The following PTBP3 variants were observed in gnomAD, a reference collection of about 807,000 sequenced individuals.
The protein encoded by PTBP3 is polypyrimidine tract binding protein 3.
A neutral mutation model predicts 58.7 loss-of-function variants in PTBP3; 20 were observed. That is an observed-to-expected ratio of 0.34 (90% CI 0.24 to 0.50). The LOEUF (loss-of-function observed/expected upper bound fraction) is 0.50, where lower values mean the gene tolerates loss of function less well. Ranked by LOEUF, PTBP3 falls within the 20% of genes least tolerant of loss-of-function variation. PTBP3 has a pLI of 0.98. For missense variants in PTBP3, 509 were observed against 637.2 expected (o/e 0.80, Z 2.17); for synonymous variants, 185 against 219.8 (o/e 0.84, Z 1.40).
chr9:112,333,474 C>T lies in PTBP3; in HGVS notation c.-56G>A. 6.3e-7 allele frequency: 1 copy of T among 1,590,162 alleles called. No individual in the cohort carries two copies. The highest frequency in any genetic ancestry group is 1.1e-5 in the South Asian group (1 of 88,474). ...GCCGCGCCGCCTAGTACTTACCCAT[C>T]CATGGCCCAGATGGAGGCGCGCACA... On this transcript the variant is annotated 5_prime_UTR_variant, in exon 1 of 14. Coordinates refer to ENST00000374257, the MANE Select transcript of PTBP3 (RefSeq NM_001163788.4).
In PTBP3 at chr9:112,268,120, G is replaced by C; in HGVS notation, c.280C>G (p.Arg94Gly). The change falls in exon 4 of 14, where the codon CGA (arginine) becomes GGA (glycine). Residue 94 changes from arginine (R) to glycine (G), a missense_variant. Around this residue, in one of 4 missense-constraint regions of PTBP3, gnomAD observed 212 missense variants for 215.3 expected, o/e 0.98. Coordinates refer to ENST00000374257, the MANE Select transcript of PTBP3 (RefSeq NM_001163788.4). ...NYYTPITPHL[R>G]SQPVYIQYSN... ...TACTGAATATAAACAGGCTGGCTTC[G>C]AAGGTGAGGAGTAATAGGAGTGTAA... 1 of 1,613,858 alleles carries C rather than the reference G, an allele frequency of 6.2e-7. No individual in the cohort carries two copies. The highest frequency in any genetic ancestry group is 8.5e-7 in the Non-Finnish European group (1 of 1,179,800).
the PTBP3 span, among the ~76,000 whole-genome samples, chr9:112,344,855 C>T: frequency 2.6e-5 from 4 of 152,076 alleles, no homozygotes; most frequent in East Asian, 1.9e-4. Flanking sequence ...AATGGCTAGC[C>T]AGGCACGGTG....
rs528860438 is a variant in PTBP3, at chr9:112,246,318, T to C, written c.802+4611A>G. 1.1e-4 allele frequency among the ~76,000 whole-genome samples: 17 copies of C among 152,006 alleles called. No individual in the cohort carries two copies. The East Asian group carries it at 3.1e-3, about 28-fold the overall frequency. ...TTCTTTATAATAAAATGCTAGCTAATAAAGGTAGAAGAAATGATGGAATTA... is the reference window on the plus strand; with the variant it reads ...TTCTTTATAATAAAATGCTAGCTAACAAAGGTAGAAGAAATGATGGAATTA... On this transcript the variant is annotated intron_variant, in intron 7 of 13. Coordinates refer to ENST00000374257, the MANE Select transcript of PTBP3 (RefSeq NM_001163788.4).
intron 6 of PTBP3, 38 bp downstream of exon 6, chr9:112,252,640 G>T: frequency 7.0e-7 from 1 of 1,435,432 alleles, no homozygotes; most frequent in South Asian, 1.2e-5. Flanking sequence ...TCACTGGAGT[G>T]ATTAACAATT....
At chr9:112,354,308 G>T in the PTBP3 span, among the ~76,000 whole-genome samples, 1 of 152,154 alleles carries the variant, frequency 6.6e-6, no homozygotes, top group Admixed American at 6.5e-5. Context: ...TTGTTCTCCC[G>T]TATCAATATG....
chr9:112,238,674 G>C (rs555787330), intron 7 of PTBP3, among the ~76,000 whole-genome samples: 13 of 149,180 alleles, frequency 8.7e-5, no homozygotes, highest in African/African-American at 3.2e-4. Flanking sequence ...CTAAAGAACA[G>C]CCAGAAAAAA....
chr9:112,301,788 A>G (rs565593830), intron 1 of PTBP3, among the ~76,000 whole-genome samples: 23 of 152,332 alleles, frequency 1.5e-4, no homozygotes, highest in African/African-American at 5.3e-4. Context: ...CTATAATTAT[A>G]TAAGATGTAA....
chr9:112,356,019 CCTT>C, the PTBP3 span, among the ~76,000 whole-genome samples: 746 of 150,094 alleles, frequency 5.0e-3, 3 homozygotes, highest in African/African-American at 0.014. Flanking sequence ...TTCCTTCTTT[CCTT>C]CTTCTTTTCC....
intron 5 of PTBP3, among the ~76,000 whole-genome samples, chr9:112,256,196 G>A (rs1323926682): frequency 6.7e-6 from 1 of 149,758 alleles, no homozygotes; most frequent in African/African-American, 2.5e-5. Flanking sequence ...GGAGGTTGCA[G>A]TGAGCTGAAA....
At chr9:112,313,471 T>C (rs1454594198) in intron 1 of PTBP3, among the ~76,000 whole-genome samples, 2 of 152,192 alleles carry the variant, frequency 1.3e-5, no homozygotes, top group East Asian at 3.8e-4. Flanking sequence ...CTCCAAAATT[T>C]AGCAGCTGGA....
the PTBP3 span, among the ~76,000 whole-genome samples, chr9:112,341,517 G>T: frequency 2.6e-5 from 4 of 152,010 alleles, no homozygotes; most frequent in Admixed American, 2.6e-4. Flanking sequence ...TGTTGTTGTT[G>T]TTTTTGTTTT....
chr9:112,234,395 T>C (rs953564815), intron 8 of PTBP3, among the ~76,000 whole-genome samples: 4 of 152,222 alleles, frequency 2.6e-5, no homozygotes, highest in Admixed American at 6.5e-5. Flanking sequence ...ATGTATAGTA[T>C]GACTGCATAT....
At position 112,260,097 on chromosome 9, in the gene PTBP3, T is replaced by G. The variant is rs554945057; in HGVS notation, c.516+2338A>C. Among the ~76,000 whole-genome samples, 575 of 152,190 alleles carry G rather than the reference T, an allele frequency of 3.8e-3. 3 individuals are homozygous for G. Among genetic ancestry groups the G allele is most frequent in the Non-Finnish European group, 5.8e-3 (394 of 67,982 alleles). ...TAATTTTTTATATTTTTAGAAGAGA[T>G]AGGGTTTCACCATGTTGGCCAGGCT... On this transcript the variant is annotated intron_variant, in intron 5 of 13. Transcript: ENST00000374257.
At chr9:112,267,014 C>T (rs529509465) in intron 4 of PTBP3, among the ~76,000 whole-genome samples, 1 of 152,246 alleles carries the variant, frequency 6.6e-6, no homozygotes, top group East Asian at 1.9e-4. Flanking sequence ...CAGTAAATGT[C>T]GCTGTTTCAA....
the PTBP3 span, among the ~76,000 whole-genome samples, chr9:112,355,687 C>T: frequency 7.3e-6 from 1 of 137,284 alleles, no homozygotes; most frequent in Non-Finnish European, 1.5e-5. Context: ...AGTGCAGTGG[C>T]GTGATCACAG....
chr9:112,363,531 C>CAT, the PTBP3 span, among the ~76,000 whole-genome samples: 1 of 122,836 alleles, frequency 8.1e-6, no homozygotes, highest in African/African-American at 3.4e-5. Flanking sequence ...CACACACACA[C>CAT]ACACACACAC....
At chr9:112,265,044 A>T (rs1161122228) in intron 4 of PTBP3, among the ~76,000 whole-genome samples, 2 of 152,216 alleles carry the variant, frequency 1.3e-5, no homozygotes, top group African/African-American at 4.8e-5. Context: ...TGCATAATTA[A>T]TTATCTCAAA....
At chr9:112,349,636 A>G in the PTBP3 span, among the ~76,000 whole-genome samples, 2 of 152,074 alleles carry the variant, frequency 1.3e-5, no homozygotes, top group Admixed American at 1.3e-4. Context: ...AGGCGGGTGG[A>G]TCACCTGAGG....
At chr9:112,303,044 T>C (rs1829020621) in intron 1 of PTBP3, among the ~76,000 whole-genome samples, 1 of 152,240 alleles carries the variant, frequency 6.6e-6, no homozygotes, top group African/African-American at 2.4e-5. Context: ...AATGTGAAAT[T>C]ATTCCACTGG....
Sources: gnomAD v4.1 joint callset for allele counts (sites outside exome capture counted in the v4.1 genomes callset) on GRCh38, gnomAD v4.1.1 for gene constraint, gnomAD v4.1.1 regional missense constraint, MANE v1.5 for transcripts, NCBI Gene and HGNC (gene_info 2026-07-23, HGNC 2026-07-21) for gene names.